Variants in ABI3BP observed in about 807,000 individuals in gnomAD.
ABI3BP encodes the protein ABI family member 3 binding protein.
In ABI3BP, 216 loss-of-function variants were observed where a neutral mutation model predicts 268.6. The observed-to-expected ratio is 0.80, with a 90% CI of 0.72 to 0.90. ABI3BP has a LOEUF of 0.90. Ranked by LOEUF, ABI3BP falls within the 40% of genes least tolerant of loss-of-function variation. The pLI, the probability that ABI3BP is intolerant of heterozygous loss-of-function variation, is 0.00. For missense variants in ABI3BP, 2,090 were observed against 2,182.4 expected (o/e 0.96, Z 0.84); for synonymous variants, 730 against 730.0 (o/e 1.00, Z 0.00).
Position 100,848,801 on chromosome 3 carries a change from C to G in ABI3BP, c.1576G>C (p.Glu526Gln). The G allele has an allele frequency of 6.2e-7, 1 of 1,610,400 alleles. No individual in the cohort carries two copies. The highest frequency in any genetic ancestry group is 8.5e-7 in the Non-Finnish European group (1 of 1,176,912). ...CATGTAAATATAAAGAGACATTTAC[C>G]AGGTTTGGTTCTTGGCGGTTTGGGC... The part of the protein sequence containing the change: ...PRPKPPRTKP[E>Q]RTTSAGTITP... The change falls in exon 18 of 68, where the codon GAA (glutamate) becomes CAA (glutamine). Residue 526 changes from glutamate to glutamine, a missense_variant and splice_region_variant. Glu to Gln is a conservative substitution (Grantham distance 29). Coordinates refer to ENST00000471714, the MANE Select transcript of ABI3BP (RefSeq NM_001375547.2).
Position 100,840,824 on chromosome 3 carries a change from T to G in ABI3BP, c.1800A>C (p.Thr600=). Residue 600 remains threonine, a synonymous_variant, in exon 22 of 68, where the codon ACA becomes ACC. Coordinates refer to ENST00000471714, the MANE Select transcript of ABI3BP (RefSeq NM_001375547.2). ...PETPGTKPST[T]LAPRKTKRPG... ...ACCCACTCAATACTCTATTACCTAA[T>G]GTTGTTGAAGGTTTGGTTCCTGGTG... The G allele has an allele frequency of 6.5e-7, 1 of 1,534,978 alleles. No individual in the cohort carries two copies. Among genetic ancestry groups the G allele is most frequent in the Non-Finnish European group, 8.7e-7 (1 of 1,146,112 alleles).
intron 43 of ABI3BP, chr3:100,816,224 G>T (rs1355319138): frequency 3.7e-5 from 18 of 480,396 alleles, no homozygotes; most frequent in Non-Finnish European, 5.8e-5. Flanking sequence ...CTAGGTATTT[G>T]GTTTTCTAAC....
At chr3:100,766,036 C>T in intron 62 of ABI3BP, 87 bp from the exon 63 acceptor site, 1 of 980,000 alleles carries the variant, frequency 1.0e-6, no homozygotes, top group Non-Finnish European at 1.6e-6. Context: ...AAAAAAGCCA[C>T]TTACATAAAG....
intron 26 of ABI3BP, chr3:100,837,388 A>C: frequency 2.2e-6 from 1 of 450,306 alleles, no homozygotes; most frequent in South Asian, 4.5e-5. Flanking sequence ...CAACTGCAAA[A>C]CAGTTGGATT....
intron 2 of ABI3BP, among the ~76,000 whole-genome samples, chr3:100,922,553 T>TGATGGTGATGGC (rs1554130231): frequency 5.5e-4 from 80 of 146,182 alleles, no homozygotes; most frequent in Middle Eastern, 6.8e-3. Flanking sequence ...ATGGTGATGG[T>TGATGGTGATGGC]GATGGCGATG....
chr3:100,830,804 T>C (rs2098478577), intron 31 of ABI3BP, among the ~76,000 whole-genome samples, 170 bp from the exon 32 acceptor site: 1 of 152,140 alleles, frequency 6.6e-6, no homozygotes, highest in East Asian at 1.9e-4. Flanking sequence ...TCTCCAAACT[T>C]TAATCAGGTA....
At chr3:100,919,830 A>T (rs1381250545) in intron 2 of ABI3BP, among the ~76,000 whole-genome samples, 1 of 152,170 alleles carries the variant, frequency 6.6e-6, no homozygotes, top group Non-Finnish European at 1.5e-5. Context: ...TTTTCCAGGT[A>T]TATATTTTTG....
intron 1 of ABI3BP, among the ~76,000 whole-genome samples, chr3:100,941,867 C>G (rs1004516526): frequency 3.9e-5 from 6 of 152,124 alleles, no homozygotes; most frequent in African/African-American, 1.4e-4. Flanking sequence ...GTGTCAATTG[C>G]ACACATTCCC....
At chr3:100,832,449 G>A in intron 30 of ABI3BP, 99 bp from the exon 31 acceptor site, 1 of 1,121,178 alleles carries the variant, frequency 8.9e-7, no homozygotes, top group Admixed American at 2.5e-5. Context: ...GTTAGAGTTT[G>A]AGTTGACAGA....
intron 2 of ABI3BP, chr3:100,911,462 A>C (rs2056429879): frequency 5.3e-6 from 2 of 380,604 alleles, no homozygotes; most frequent in African/African-American, 4.2e-5. Context: ...TATATCCTTT[A>C]CTAGTTTATT....
At chr3:100,848,109 T>C (rs1023290443) in intron 18 of ABI3BP, among the ~76,000 whole-genome samples, 7 of 152,218 alleles carry the variant, frequency 4.6e-5, no homozygotes, top group African/African-American at 1.7e-4. Context: ...AAATGTACGT[T>C]GTGCTGTCAT....
chr3:100,983,200 G>T (rs1382574588), intron 1 of ABI3BP, among the ~76,000 whole-genome samples: 2 of 152,152 alleles, frequency 1.3e-5, no homozygotes, highest in Non-Finnish European at 2.9e-5. Flanking sequence ...TCTTAGCAAG[G>T]TTTCATTCAC....
chr3:100,890,575 T>C (rs1318190821), intron 4 of ABI3BP, among the ~76,000 whole-genome samples: 1 of 152,136 alleles, frequency 6.6e-6, no homozygotes, highest in African/African-American at 2.4e-5. Flanking sequence ...AAATTAAAAC[T>C]AGTACTTTTC....
intron 57 of ABI3BP, among the ~76,000 whole-genome samples, chr3:100,787,044 C>T (rs1156890653): frequency 6.6e-6 from 1 of 151,970 alleles, no homozygotes; most frequent in African/African-American, 2.4e-5. Context: ...AAGAGTTATA[C>T]TACTAAAAAT....
intron 1 of ABI3BP, among the ~76,000 whole-genome samples, chr3:100,954,515 T>C (rs574137758): frequency 6.6e-6 from 1 of 152,340 alleles, no homozygotes; most frequent in South Asian, 2.1e-4. Context: ...CCTCATTCCT[T>C]ATCCATTTCC....
At chr3:100,830,989 C>CA (rs910678073) in intron 31 of ABI3BP, among the ~76,000 whole-genome samples, 2 of 151,954 alleles carry the variant, frequency 1.3e-5, no homozygotes, top group Non-Finnish European at 2.9e-5. Context: ...CTGTGGAAGC[C>CA]AAAAAACCAA....
chr3:100,946,012 A>G (rs1435059429), intron 1 of ABI3BP, among the ~76,000 whole-genome samples: 4 of 152,154 alleles, frequency 2.6e-5, no homozygotes, highest in Non-Finnish European at 5.9e-5. Context: ...CAATGTCACT[A>G]AATATACGTT....
At chr3:100,840,284 T>C in intron 22 of ABI3BP, 120 bp from the exon 23 acceptor site, 1 of 785,606 alleles carries the variant, frequency 1.3e-6, no homozygotes, top group Non-Finnish European at 1.9e-6. Flanking sequence ...CATGTTTCCA[T>C]CTGTTTTGCA....
chr3:100,865,795 T>C lies in ABI3BP; in HGVS notation c.989-888A>G, dbSNP rs1374545837. 5.3e-5 allele frequency among the ~76,000 whole-genome samples: 8 copies of C among 152,256 alleles called. No individual in the cohort carries two copies. The East Asian group carries it at 1.5e-3, about 29-fold the overall frequency. Reference sequence around the variant, plus strand: ...TAATTGGGGAAAGTGGGTAGAATCTTTGAGGGAGAAAGGGATTTGGAGTCC... The same window carrying C: ...TAATTGGGGAAAGTGGGTAGAATCTCTGAGGGAGAAAGGGATTTGGAGTCC... On this transcript the variant is annotated intron_variant, in intron 10 of 67. Coordinates refer to ENST00000471714, the MANE Select transcript of ABI3BP (RefSeq NM_001375547.2).
Sources: allele counts gnomAD v4.1 joint callset (sites outside exome capture counted in the v4.1 genomes callset), GRCh38; gene constraint gnomAD v4.1.1; transcripts MANE v1.5; gene names NCBI Gene and HGNC (gene_info 2026-07-23, HGNC 2026-07-21).